SAR1A: variants seen among roughly 807,000 people sequenced by gnomAD.
SAR1A encodes small COPII coat GTPase SAR1A.
In SAR1A, 6 loss-of-function variants were observed where a neutral mutation model predicts 22.6. That is an observed-to-expected ratio of 0.27 (90% CI 0.15 to 0.52). The LOEUF (loss-of-function observed/expected upper bound fraction) is 0.52. Among genes scored for constraint, SAR1A ranks in the 20% least tolerant of loss-of-function variants. The probability of loss-of-function intolerance (pLI) is 0.96; values close to 1 mark genes in which losing one functional copy is unlikely to be tolerated. For synonymous variants in SAR1A, 70 were observed against 82.2 expected (o/e 0.85, Z 0.80); for missense variants, 145 against 245.1 (o/e 0.59, Z 2.73).
In SAR1A at chr10:70,153,899, T is replaced by C; in HGVS notation, c.419A>G (p.Asp140Gly). ...LILGNKIDRTDAISEEKLREI... is the reference protein window; with the variant it reads ...LILGNKIDRTGAISEEKLREI... ...ACGGAGTTTTTCTTCACTGATTGCA[T>C]CTGTTCTGTCAATTTTGTTACCCAA... Residue 140 changes from aspartate to glycine, a missense_variant, in exon 6 of 7, where the codon GAT (aspartate) becomes GGT (glycine). By Grantham distance (94) the Asp-to-Gly change is moderately conservative. This residue lies in a region of SAR1A where 83 missense variants were observed against 114.7 expected (regional missense o/e 0.72). Transcript: ENST00000373241. 6.2e-7 allele frequency: 1 copy of C among 1,610,006 alleles called. No homozygotes were observed. Among genetic ancestry groups the C allele is most frequent in the African/African-American group, 1.3e-5 (1 of 74,784 alleles).
At chr10:70,154,057 C>T (rs1564568978) in intron 5 of SAR1A, 88 bp from the exon 6 acceptor site, 2 of 1,015,504 alleles carry the variant, frequency 2.0e-6, no homozygotes, top group East Asian at 5.1e-5. Context: ...ATTCTGACTT[C>T]CACTAATCTT....
Position 70,147,636 on chromosome 10 carries a change from AC to A in SAR1A, c.*4839del, listed in dbSNP as rs1473857331. 2.0e-5 allele frequency: 3 copies of A among 152,240 alleles called. No homozygotes were observed. Among genetic ancestry groups the A allele is most frequent in the Non-Finnish European group, 4.4e-5 (3 of 68,046 alleles). The allele number at this position is 152,240 out of a possible 1,614,324, so 9.4% of individuals were successfully genotyped here. Reference sequence around the variant, plus strand: ...AAACCTTTCTTTGCTCACAGGCCATACAAACACAGGCAGCAGGCCCGATTTG... The same window carrying A: ...AAACCTTTCTTTGCTCACAGGCCATAAAACACAGGCAGCAGGCCCGATTTG... On this transcript the variant is annotated 3_prime_UTR_variant, in exon 7 of 7. Coordinates refer to ENST00000373241, the MANE Select transcript of SAR1A (RefSeq NM_020150.5).
At chr10:70,155,396 G>T (rs573888553) in intron 5 of SAR1A, among the ~76,000 whole-genome samples, 1 of 152,332 alleles carries the variant, frequency 6.6e-6, no homozygotes, top group Non-Finnish European at 1.5e-5. Flanking sequence ...AGGAAAGCTA[G>T]CGGGGAAAGC....
chr10:70,167,677 G>A (rs1839571165), intron 1 of SAR1A, among the ~76,000 whole-genome samples: 1 of 151,970 alleles, frequency 6.6e-6, no homozygotes, highest in Non-Finnish European at 1.5e-5. Context: ...TTTTTATCAG[G>A]CCCATGGCCT....
At position 70,157,886 on chromosome 10, in the gene SAR1A, A is replaced by G. The variant is rs1308602696; in HGVS notation, c.245-19T>C. The G allele has an allele frequency of 1.3e-6, 2 of 1,492,876 alleles. No individual in the cohort carries two copies. The highest frequency in any genetic ancestry group is 1.9e-6 in the Non-Finnish European group (2 of 1,072,586). The allele number at this position is 1,492,876 out of a possible 1,614,324, so 92.5% of individuals were successfully genotyped here. The stretch of plus-strand genomic sequence containing the variant: ...CGACGTGCTAAAAAACAAAGTTTGT[A>G]GTTGCATGAGTAAAAAATATACATT... On this transcript the variant is annotated intron_variant, in intron 4 of 6. Transcript: ENST00000373241.
At position 70,148,603 on chromosome 10, in the gene SAR1A, A is replaced by G. The variant is rs551720658; in HGVS notation, c.*3873T>C. On this transcript the variant is annotated 3_prime_UTR_variant, in exon 7 of 7. Transcript: ENST00000373241. ...CAGGAGTTTGAGACCAGCCTGGGCA[A>G]CATGATGAGACCTTAACTCTACAAA... 1.3e-5 allele frequency: 2 copies of G among 152,318 alleles called. No homozygotes were observed. Among genetic ancestry groups the G allele is most frequent in the African/African-American group, 4.8e-5 (2 of 41,552 alleles). 9.4% of individuals were successfully genotyped at this position (152,318 alleles called of 1,614,324 possible). A position where few individuals can be genotyped will look rare whatever the true frequency, so the allele number is the denominator to read the frequency against.
rs1839354490 is a variant in SAR1A at position 70,153,729 on chromosome 10, C to T, written c.480+109G>A. On this transcript the variant is annotated intron_variant, in intron 6 of 6. Transcript: ENST00000373241. ...ACAAAATACTCACAGTAAAACTAAT[C>T]CTAAGCCTGTTTAAGCCTTTAAAAG... 7.7e-6 allele frequency: 7 copies of T among 906,048 alleles called. No individual in the cohort carries two copies. In the South Asian group the frequency reaches 1.1e-4, roughly 14 times the overall value. 56.1% of individuals were successfully genotyped at this position (906,048 alleles called of 1,614,324 possible).
chr10:70,169,811 C>T (rs1839602182), intron 1 of SAR1A, among the ~76,000 whole-genome samples: 1 of 152,136 alleles, frequency 6.6e-6, no homozygotes, highest in Non-Finnish European at 1.5e-5. Flanking sequence ...GTGAAGAAAA[C>T]GCTAATCCAT....
Position 70,152,473 on chromosome 10 carries a change from A to T in SAR1A, c.*3T>A, listed in dbSNP as rs192845228. ...AAACTCTTTTATTTTCACCGTCCAA[A>T]CATCAGTCAATATACTGGGAGAGCC... On this transcript the variant is annotated 3_prime_UTR_variant, in exon 7 of 7. Coordinates refer to ENST00000373241, the MANE Select transcript of SAR1A (RefSeq NM_020150.5). The T allele has an allele frequency of 3.8e-5, 61 of 1,599,762 alleles. No individual in the cohort carries two copies. In the East Asian group the frequency reaches 4.0e-4, roughly 11 times the overall value.
intron 5 of SAR1A, chr10:70,155,207 T>G: frequency 2.2e-6 from 1 of 459,162 alleles, no homozygotes; most frequent in South Asian, 1.6e-5. Flanking sequence ...CTATCTGTGG[T>G]GTTCATGTAA....
At position 70,148,008 on chromosome 10, in the gene SAR1A, C is replaced by T. The variant is rs1239339855; in HGVS notation, c.*4468G>A. 6.6e-6 allele frequency: 1 copy of T among 152,276 alleles called. No individual in the cohort carries two copies. Among genetic ancestry groups the T allele is most frequent in the Non-Finnish European group, 1.5e-5 (1 of 68,116 alleles). 9.4% of individuals were successfully genotyped at this position (152,276 alleles called of 1,614,324 possible). A position where few individuals can be genotyped will look rare whatever the true frequency, so the allele number is the denominator to read the frequency against. ...ATTCTCCTGCCTCAGCCTCCCCAGT[C>T]GCTGGGACTACAGGCGCCTGCCACC... On this transcript the variant is annotated 3_prime_UTR_variant, in exon 7 of 7. Transcript: ENST00000373241.
intron 1 of SAR1A, among the ~76,000 whole-genome samples, chr10:70,168,780 G>A (rs981298457): frequency 1.3e-5 from 2 of 151,970 alleles, no homozygotes; most frequent in Admixed American, 1.3e-4. Context: ...ACCCTTACTA[G>A]ATCCAAAGAG....
chr10:70,165,348 T>C (rs1839534587), intron 1 of SAR1A, among the ~76,000 whole-genome samples: 1 of 151,624 alleles, frequency 6.6e-6, no homozygotes, highest in South Asian at 2.1e-4. Flanking sequence ...CTGGGCAAAG[T>C]AAACTGAAAA....
intron 4 of SAR1A, among the ~76,000 whole-genome samples, chr10:70,158,378 T>C (rs1249580944): frequency 6.6e-6 from 1 of 152,236 alleles, no homozygotes; most frequent in Non-Finnish European, 1.5e-5. Context: ...TGTAGGCGTC[T>C]TGACACATTC....
At chr10:70,154,014 G>T in intron 5 of SAR1A, 45 bp from the exon 6 acceptor site, 1 of 1,456,570 alleles carries the variant, frequency 6.9e-7, no homozygotes, top group Non-Finnish European at 9.3e-7. Context: ...AGAATTAAGT[G>T]AGGAATCTAC....
At chr10:70,157,713 CA>C in intron 5 of SAR1A, 50 bp downstream of exon 5, 4 of 1,410,934 alleles carry the variant, frequency 2.8e-6, no homozygotes, top group Admixed American at 1.8e-5. Context: ...AAATAGAGGC[CA>C]AAAAAGAACA....
chr10:70,167,842 T>G (rs1303916521), intron 1 of SAR1A, among the ~76,000 whole-genome samples: 3 of 152,208 alleles, frequency 2.0e-5, no homozygotes, highest in Non-Finnish European at 4.4e-5. Flanking sequence ...CAATAACAAA[T>G]ATATTTCAGC....
At chr10:70,155,113 C>T (rs1192409516) in intron 5 of SAR1A, 2 of 527,582 alleles carry the variant, frequency 3.8e-6, no homozygotes, top group Non-Finnish European at 7.8e-6. Flanking sequence ...GAGAAGTGAG[C>T]TGCAATATAT....
Position 70,161,007 on chromosome 10 carries a change from G to A in SAR1A, c.241C>T (p.Gln81Ter), listed in dbSNP as rs1463669033. 6.2e-7 allele frequency: 1 copy of A among 1,611,290 alleles called. No individual in the cohort carries two copies. The highest frequency in any genetic ancestry group is 1.7e-5 in the Admixed American group (1 of 59,800). The change falls in exon 4 of 7, where the codon CAA becomes TAA. Residue 81 changes from glutamine to a stop codon, truncating the protein, a stop_gained. Transcript: ENST00000373241. LOFTEE classifies it high-confidence loss of function. ...FTTFDLGGHE[Q>*]ARRVWKNYLP... is the part of the protein sequence containing the mutation. The stretch of plus-strand genomic sequence containing the variant: ...TTTCCACTGAGTCATCACTTACCTT[G>A]CTCGTGCCCACCAAGATCAAAAGTT...
Sources: gnomAD v4.1 joint callset for allele counts (sites outside exome capture counted in the v4.1 genomes callset) on GRCh38, gnomAD v4.1.1 for gene constraint, gnomAD v4.1.1 regional missense constraint, MANE v1.5 for transcripts, NCBI Gene and HGNC (gene_info 2026-07-23, HGNC 2026-07-21) for gene names.